NRG3: variants seen among roughly 807,000 people sequenced by gnomAD.
The protein encoded by NRG3 is neuregulin 3.
A neutral mutation model predicts 66.9 loss-of-function variants in NRG3; 31 were observed. The observed-to-expected ratio is 0.46, with a 90% confidence interval of 0.35 to 0.63. The LOEUF (loss-of-function observed/expected upper bound fraction) is 0.63, where lower values mean the gene tolerates loss of function less well. Among genes scored for constraint, NRG3 ranks in the 20% least tolerant of loss-of-function variants. NRG3 has a pLI of 0.00. For missense variants in NRG3, 910 were observed against 878.9 expected, an observed-to-expected ratio of 1.04 and a Z score of -0.45; for synonymous variants, 393 against 359.4, an observed-to-expected ratio of 1.09 and a Z score of -1.06.
chr10:82,811,413 C>A (rs1028785424), intron 3 of NRG3, among the ~76,000 whole-genome samples: 8 of 152,108 alleles, frequency 5.3e-5, no homozygotes, highest in Non-Finnish European at 8.8e-5. Flanking sequence ...CTTGTGGCGA[C>A]CTTCTAAAGT....
Position 82,952,387 on chromosome 10 carries a change from C to A in NRG3, c.1157+816C>A, listed in dbSNP as rs150203565. ...GGTGGAAGTTGCAGTGAGCCCAGAT[C>A]ACACTGCTACACTGCAGCCTCGGGG... On this transcript the variant is annotated intron_variant, in intron 5 of 8. Coordinates refer to ENST00000372141, the MANE Select transcript of NRG3 (RefSeq NM_001010848.4). 6.8e-4 allele frequency among the ~76,000 whole-genome samples: 100 copies of A among 147,246 alleles called. 1 individual carries two copies. In the East Asian group the frequency reaches 0.019, roughly 28 times the overall value.
At chr10:81,877,612 A>G in intron 1 of NRG3, 8 of 1,025,630 alleles carry the variant, frequency 7.8e-6, no homozygotes, top group South Asian at 2.9e-5. Context: ...AGTAAGGTCC[A>G]GGAGAGGGAA....
chr10:82,894,713 C>T (rs1843482727), intron 4 of NRG3, among the ~76,000 whole-genome samples: 1 of 152,044 alleles, frequency 6.6e-6, no homozygotes, highest in Non-Finnish European at 1.5e-5. Flanking sequence ...TATCAGGCTC[C>T]ATAAGTTTTG....
intron 2 of NRG3, among the ~76,000 whole-genome samples, chr10:82,594,173 A>G (rs1484589306): frequency 6.6e-6 from 1 of 152,178 alleles, no homozygotes; most frequent in Non-Finnish European, 1.5e-5. Context: ...ATATATACTG[A>G]GAATACAAAG....
At chr10:82,568,510 T>C (rs2045547944) in intron 2 of NRG3, among the ~76,000 whole-genome samples, 1 of 151,804 alleles carries the variant, frequency 6.6e-6, no homozygotes, top group South Asian at 2.1e-4. Flanking sequence ...AAAGCACTTC[T>C]CCCTGAAGGT....
At chr10:82,750,618 T>A (rs1489870922) in intron 3 of NRG3, among the ~76,000 whole-genome samples, 1 of 152,102 alleles carries the variant, frequency 6.6e-6, no homozygotes, top group East Asian at 1.9e-4. Flanking sequence ...TGTCTACACA[T>A]CCTTATTTAT....
At chr10:82,100,101 C>T (rs12269379) in intron 1 of NRG3, among the ~76,000 whole-genome samples, 4,516 of 151,898 alleles carry the variant, frequency 0.03, 236 homozygotes, top group African/African-American at 0.1. Flanking sequence ...AATATTTTGT[C>T]ACTTCCAGAA....
chr10:82,368,532 C>G (rs567765601), intron 2 of NRG3, among the ~76,000 whole-genome samples: 1 of 137,616 alleles, frequency 7.3e-6, no homozygotes, highest in East Asian at 2.2e-4. Context: ...GAAAAACACT[C>G]CTTACCACCT....
chr10:82,829,930 C>G (rs1330372905), intron 3 of NRG3, among the ~76,000 whole-genome samples: 2 of 152,068 alleles, frequency 1.3e-5, no homozygotes, highest in Non-Finnish European at 2.9e-5. Context: ...GATACTTGCC[C>G]CTGGGTGGAC....
intron 2 of NRG3, among the ~76,000 whole-genome samples, chr10:82,714,310 A>G (rs193174493): frequency 6.6e-6 from 1 of 152,204 alleles, no homozygotes; most frequent in African/African-American, 2.4e-5. Context: ...TGTTAAAAAA[A>G]AATGTGGATG....
chr10:82,210,040 A>G (rs2075320097), intron 1 of NRG3, among the ~76,000 whole-genome samples: 1 of 152,206 alleles, frequency 6.6e-6, no homozygotes, highest in Non-Finnish European at 1.5e-5. Flanking sequence ...CATATATATT[A>G]TGTGTTTATC....
intron 1 of NRG3, among the ~76,000 whole-genome samples, chr10:81,890,812 GT>G (rs780405396): frequency 7.9e-5 from 12 of 152,166 alleles, no homozygotes; most frequent in Non-Finnish European, 1.6e-4. Flanking sequence ...TGACAGGAGA[GT>G]GTCTATGCAA....
chr10:82,163,406 G>C (rs1352587632), intron 1 of NRG3, among the ~76,000 whole-genome samples: 1 of 152,068 alleles, frequency 6.6e-6, no homozygotes, highest in Non-Finnish European at 1.5e-5. Context: ...TTGGATAATG[G>C]TGAGAAGCAC....
rs372677607 is a variant in NRG3 at position 82,132,515 on chromosome 10, TG to T, written c.824-226223del. Among the ~76,000 whole-genome samples the T allele has an allele frequency of 2.4e-3, 26 of 10,724 alleles. 2 individuals are homozygous for T. Among genetic ancestry groups the T allele is most frequent in the African/African-American group, 5.2e-3 (12 of 2,316 alleles). The allele number at this position is 10,724 out of a possible 152,430, so 7.0% of individuals were successfully genotyped here. On this transcript the variant is annotated intron_variant, in intron 1 of 8. Coordinates refer to ENST00000372141, the MANE Select transcript of NRG3 (RefSeq NM_001010848.4). Reference sequence around the variant, plus strand: ...ATGATATATATATATCATATATATATGATATATATGATATATATATGATATA... The same window carrying T: ...ATGATATATATATATCATATATATATATATATATGATATATATATGATATA...
At chr10:82,466,060 C>T (rs997027482) in intron 2 of NRG3, among the ~76,000 whole-genome samples, 1 of 152,154 alleles carries the variant, frequency 6.6e-6, no homozygotes, top group African/African-American at 2.4e-5. Flanking sequence ...TGGCTCTGCC[C>T]AGTGGTGCAC....
At chr10:81,920,727 A>G (rs1450047602) in intron 1 of NRG3, among the ~76,000 whole-genome samples, 4 of 152,208 alleles carry the variant, frequency 2.6e-5, no homozygotes, top group East Asian at 1.9e-4. Context: ...CAGTAAGTAC[A>G]CATCTTATTT....
chr10:82,891,707 C>T (rs1017786076), intron 4 of NRG3, among the ~76,000 whole-genome samples: 2 of 151,940 alleles, frequency 1.3e-5, no homozygotes, highest in African/African-American at 4.8e-5. Flanking sequence ...TCTATAAAAT[C>T]ATGTCATCTG....
rs573047528 is a variant in NRG3 at position 81,951,217 on chromosome 10, TTTC to T, written c.823+75062_823+75064del. Among the ~76,000 whole-genome samples, 337 of 152,232 alleles carry T rather than the reference TTTC, an allele frequency of 2.2e-3. 1 individual carries two copies. Among genetic ancestry groups the T allele is most frequent in the Middle Eastern group, 0.01 (3 of 292 alleles). On this transcript the variant is annotated intron_variant, in intron 1 of 8. Transcript: ENST00000372141. The stretch of plus-strand genomic sequence containing the variant: ...ATTGATCAGGAAGGGCCAAGAGAAT[TTTC>T]TTCTTCTCTTTCTGAAGTGGTTTTC...
intron 3 of NRG3, among the ~76,000 whole-genome samples, chr10:82,772,651 G>T (rs1201697354): frequency 6.6e-6 from 1 of 150,688 alleles, no homozygotes; most frequent in Non-Finnish European, 1.5e-5. Flanking sequence ...CGTAACAAAT[G>T]GCAACGTCTT....
Sources: gnomAD v4.1 joint callset for allele counts (sites outside exome capture counted in the v4.1 genomes callset) on GRCh38, gnomAD v4.1.1 for gene constraint, MANE v1.5 for transcripts, NCBI Gene and HGNC (gene_info 2026-07-23, HGNC 2026-07-21) for gene names.